The following CNTN1 variants were observed in gnomAD, a reference collection of about 807,000 sequenced individuals.
CNTN1 encodes the protein contactin 1, also known as contactin-1.
CNTN1 carries 38 observed loss-of-function variants against 126.4 expected under a neutral mutation model. That is an observed-to-expected ratio of 0.30 (90% CI 0.23 to 0.39). The LOEUF is 0.39. Ranked by LOEUF, CNTN1 falls within the 10% of genes least tolerant of loss-of-function variation. CNTN1 has a pLI of 1.00. For synonymous variants in CNTN1, 413 were observed against 422.6 expected (o/e 0.98, Z 0.28); for missense variants, 1,009 against 1,248.4 (o/e 0.81, Z 2.89).
At chr12:40,835,735 T>C (rs561522657) in intron 1 of CNTN1, among the ~76,000 whole-genome samples, 68 of 152,038 alleles carry the variant, frequency 4.5e-4, no homozygotes, top group African/African-American at 1.6e-3. Flanking sequence ...CACTTTAATC[T>C]CTTGAATTAA....
At chr12:41,034,931 A>C (rs754260260) in intron 23 of CNTN1, among the ~76,000 whole-genome samples, 17 of 152,324 alleles carry the variant, frequency 1.1e-4, no homozygotes, top group Non-Finnish European at 2.1e-4. Flanking sequence ...TCCTGCAGTG[A>C]CTAGGTTTGA....
At chr12:40,930,448 A>G (rs192644531) in intron 7 of CNTN1, among the ~76,000 whole-genome samples, 1 of 152,126 alleles carries the variant, frequency 6.6e-6, no homozygotes, top group Non-Finnish European at 1.5e-5. Flanking sequence ...AACTATTTAC[A>G]TGATACAAAT....
At chr12:40,861,690 C>G (rs190546809) in intron 1 of CNTN1, among the ~76,000 whole-genome samples, 146 of 152,176 alleles carry the variant, frequency 9.6e-4, no homozygotes, top group African/African-American at 3.5e-3. Flanking sequence ...AAAGAACCCT[C>G]TTCAAAAAAG....
chr12:40,749,762 C>A (rs1353021654), intron 1 of CNTN1, among the ~76,000 whole-genome samples: 13 of 96,568 alleles, frequency 1.3e-4, no homozygotes, highest in South Asian at 3.3e-4. Flanking sequence ...ACAGAGTTTA[C>A]ATTTCATGAA....
At chr12:40,779,658 A>G (rs115033099) in intron 1 of CNTN1, among the ~76,000 whole-genome samples, 56 of 151,982 alleles carry the variant, frequency 3.7e-4, no homozygotes, top group African/African-American at 1.3e-3. Flanking sequence ...AAGTTTTCCT[A>G]TTATTGACTG....
At chr12:40,860,552 CA>C (rs1943080400) in intron 1 of CNTN1, among the ~76,000 whole-genome samples, 1 of 152,126 alleles carries the variant, frequency 6.6e-6, no homozygotes, top group African/African-American at 2.4e-5. Flanking sequence ...ACATCTTACA[CA>C]GGTTTAATAA....
At chr12:40,982,434 C>T (rs528061599) in intron 16 of CNTN1, among the ~76,000 whole-genome samples, 117 of 152,106 alleles carry the variant, frequency 7.7e-4, no homozygotes, top group Non-Finnish European at 1.4e-3. Flanking sequence ...TGGTTTGGCC[C>T]TGAAAAAAGA....
chr12:41,012,077 G>A (rs891781006), intron 17 of CNTN1, among the ~76,000 whole-genome samples: 4 of 152,150 alleles, frequency 2.6e-5, no homozygotes, highest in African/African-American at 9.7e-5. Context: ...AAGCTAGAGT[G>A]CTTGGGTAAA....
In CNTN1 at chr12:41,014,314, T is replaced by C; in HGVS notation, c.2184+16T>C. 6.2e-7 allele frequency: 1 copy of C among 1,612,714 alleles called. No individual in the cohort carries two copies. Among genetic ancestry groups the C allele is most frequent in the Non-Finnish European group, 8.5e-7 (1 of 1,178,766 alleles). On this transcript the variant is annotated intron_variant, in intron 18 of 23. Transcript: ENST00000551295. ...AACATGGGCGGTAAGTATTGATGAG[T>C]TGCACATATTATAGGTTGCTGTATC... is the stretch of plus-strand genomic sequence containing the variant.
In CNTN1 at chr12:40,857,304, C is replaced by G. The variant is rs550946328; in HGVS notation, c.-76-51053C>G. On this transcript the variant is annotated intron_variant, in intron 1 of 23. Transcript: ENST00000551295. ...ATTCCAAAGGTGTTCACCAAATAAGCCATTCTAAGAATTTGGTAGGGCTGT... is the reference window on the plus strand; with the variant it reads ...ATTCCAAAGGTGTTCACCAAATAAGGCATTCTAAGAATTTGGTAGGGCTGT... 2.0e-5 allele frequency among the ~76,000 whole-genome samples: 3 copies of G among 152,194 alleles called. No homozygotes were observed. In the South Asian group the frequency reaches 6.2e-4, roughly 32 times the overall value.
intron 1 of CNTN1, among the ~76,000 whole-genome samples, chr12:40,713,073 C>G (rs2121173099): frequency 6.6e-6 from 1 of 152,252 alleles, no homozygotes; most frequent in Middle Eastern, 3.4e-3. Flanking sequence ...TTATTTGGCT[C>G]ATGGTTCTGC....
At position 40,692,542 on chromosome 12, in the gene CNTN1, T is replaced by C. The variant is rs1439132326; in HGVS notation, c.-127T>C. ...GTTTGCAGCGGAAGTGGGAAACCTG[T>C]AGGGTATGGTCCAGCTGTGCCGCAC... On this transcript the variant is annotated 5_prime_UTR_variant, in exon 1 of 24. It removes the in-frame stop codon of an upstream open reading frame in the 5' UTR. Transcript: ENST00000551295. 2.0e-5 allele frequency: 3 copies of C among 152,436 alleles called. No homozygotes were observed. Among genetic ancestry groups the C allele is most frequent in the Non-Finnish European group, 4.4e-5 (3 of 68,246 alleles). The allele number at this position is 152,436 out of a possible 1,614,324, so 9.4% of individuals were successfully genotyped here.
chr12:40,993,281 C>A lies in CNTN1; in HGVS notation c.2113+12C>A, dbSNP rs746608014. On this transcript the variant is annotated intron_variant, in intron 17 of 23. Transcript: ENST00000551295. ...AACAGACGGTGCTGGTATGTATATA[C>A]AAGAAACTTGAAATTTTAAAAGATT... The A allele has an allele frequency of 6.2e-7, 1 of 1,611,110 alleles. No homozygotes were observed. Among genetic ancestry groups the A allele is most frequent in the Non-Finnish European group, 8.5e-7 (1 of 1,177,624 alleles).
chr12:40,999,724 A>G (rs1948309552), intron 17 of CNTN1, among the ~76,000 whole-genome samples: 1 of 120,208 alleles, frequency 8.3e-6, no homozygotes, highest in Non-Finnish European at 1.7e-5. Context: ...TTTTTTTGAG[A>G]CAGCATCTTG....
At chr12:40,907,360 T>C (rs1944868351) in intron 1 of CNTN1, among the ~76,000 whole-genome samples, 1 of 152,230 alleles carries the variant, frequency 6.6e-6, no homozygotes, top group South Asian at 2.1e-4. Flanking sequence ...CACATATCTG[T>C]GTACTCTTTT....
Position 40,995,953 on chromosome 12 carries a change from C to T in CNTN1, c.2113+2684C>T, listed in dbSNP as rs375224485. On this transcript the variant is annotated intron_variant, in intron 17 of 23. Transcript: ENST00000551295. Reference sequence around the variant, plus strand: ...CAGATGAGGAAGTTAAGATTACACCCAGCTAATGTGAGGCAGAGCTGGGAT... The same window carrying T: ...CAGATGAGGAAGTTAAGATTACACCTAGCTAATGTGAGGCAGAGCTGGGAT... 3.4e-3 allele frequency among the ~76,000 whole-genome samples: 523 copies of T among 152,248 alleles called. 2 individuals are homozygous for T. The highest frequency in any genetic ancestry group is 0.012 in the African/African-American group (489 of 41,532).
chr12:40,896,136 A>T (rs1170012652), intron 1 of CNTN1: 2 of 152,082 alleles, frequency 1.3e-5, no homozygotes, highest in African/African-American at 4.8e-5. Context: ...TATCAGCTCT[A>T]TTCTAAGACA....
intron 14 of CNTN1, among the ~76,000 whole-genome samples, chr12:40,953,117 A>G (rs1946748909): frequency 6.6e-6 from 1 of 152,150 alleles, no homozygotes; most frequent in Non-Finnish European, 1.5e-5. Flanking sequence ...CAGTTAGTTT[A>G]CGGGGGAAGG....
intron 1 of CNTN1, among the ~76,000 whole-genome samples, chr12:40,732,051 GA>G (rs1208322312): frequency 3.9e-5 from 6 of 151,900 alleles, no homozygotes; most frequent in Non-Finnish European, 8.8e-5. Context: ...ATCAATGACT[GA>G]AAAAATATTT....
Sources: gnomAD v4.1 joint callset for allele counts (sites outside exome capture counted in the v4.1 genomes callset) on GRCh38, gnomAD v4.1.1 for gene constraint, MANE v1.5 for transcripts, NCBI Gene and HGNC (gene_info 2026-07-23, HGNC 2026-07-21) for gene names.